TAS2R1: variants seen among roughly 807,000 people sequenced by gnomAD.
TAS2R1 encodes the protein taste 2 receptor member 1, also known as taste receptor type 2 member 1.
For synonymous variants in TAS2R1, 141 were observed against 134.2 expected (o/e 1.05, Z -0.35); for missense variants, 370 against 353.4 (o/e 1.05, Z -0.38).
chr5:9,721,363 G>C, the TAS2R1 span, among the ~76,000 whole-genome samples: 1 of 152,214 alleles, frequency 6.6e-6, no homozygotes, highest in Non-Finnish European at 1.5e-5. Flanking sequence ...GTGTTCCCCG[G>C]TGCTGCTAGC....
the TAS2R1 span, among the ~76,000 whole-genome samples, chr5:9,792,820 A>G: frequency 6.6e-6 from 1 of 152,182 alleles, no homozygotes; most frequent in African/African-American, 2.4e-5. Context: ...GAAGGCCTCT[A>G]TATGATCTTT....
chr5:9,861,558 T>C, the TAS2R1 span, among the ~76,000 whole-genome samples: 2 of 152,202 alleles, frequency 1.3e-5, no homozygotes, highest in African/African-American at 2.4e-5. Flanking sequence ...TTCAGAGTCT[T>C]GTCTATGGTT....
chr5:9,763,881 T>C, the TAS2R1 span, among the ~76,000 whole-genome samples: 41 of 152,348 alleles, frequency 2.7e-4, no homozygotes, highest in Middle Eastern at 3.4e-3. Flanking sequence ...CAACAGAGCA[T>C]CGTTTAGCTA....
chr5:9,684,560 C>T (rs194070), intron 1 of TAS2R1, among the ~76,000 whole-genome samples: 72,051 of 151,946 alleles, frequency 0.47, 19,318 homozygotes, highest in Non-Finnish European at 0.62. Context: ...TTGCTAAGGC[C>T]GAAGTGCAAC....
chr5:9,798,682 C>T, the TAS2R1 span, among the ~76,000 whole-genome samples: 101,859 of 151,948 alleles, frequency 0.67, 34,720 homozygotes, highest in East Asian at 0.81. Flanking sequence ...AGCAGATGGC[C>T]ACAACTTAAC....
At chr5:9,705,226 CCAA>C (rs1438954040) in intron 1 of TAS2R1, among the ~76,000 whole-genome samples, 2 of 152,100 alleles carry the variant, frequency 1.3e-5, no homozygotes, top group Non-Finnish European at 2.9e-5. Context: ...CATTAATAGA[CCAA>C]CACCAGAAAA....
chr5:9,633,319 T>TATATATATATATACAC (rs1475834697), upstream of TAS2R1, among the ~76,000 whole-genome samples: 3 of 137,528 alleles, frequency 2.2e-5, no homozygotes, highest in South Asian at 4.4e-4. Context: ...TATATATATA[T>TATATATATATATACAC]ACACAAATGT....
At chr5:9,646,227 A>G (rs1740185910) in intron 2 of TAS2R1, among the ~76,000 whole-genome samples, 3 of 152,110 alleles carry the variant, frequency 2.0e-5, no homozygotes, top group African/African-American at 7.2e-5. Flanking sequence ...TTCTTTCCCT[A>G]TACATTTAGT....
chr5:9,738,656 T>C, the TAS2R1 span, among the ~76,000 whole-genome samples: 2 of 152,204 alleles, frequency 1.3e-5, no homozygotes, highest in Non-Finnish European at 2.9e-5. Context: ...CAATTCATGC[T>C]ACGGTAGTGA....
chr5:9,811,521 G>A, the TAS2R1 span, among the ~76,000 whole-genome samples: 12 of 152,214 alleles, frequency 7.9e-5, no homozygotes, highest in African/African-American at 1.9e-4. Context: ...CCTGAGCCTC[G>A]TCTTACACTG....
At chr5:9,831,536 C>T in the TAS2R1 span, among the ~76,000 whole-genome samples, 1 of 151,518 alleles carries the variant, frequency 6.6e-6, no homozygotes, top group Admixed American at 6.6e-5. Context: ...AAAGATTAAA[C>T]GTGAGTATGG....
At chr5:9,754,290 C>G in the TAS2R1 span, among the ~76,000 whole-genome samples, 1 of 152,132 alleles carries the variant, frequency 6.6e-6, no homozygotes, top group Non-Finnish European at 1.5e-5. Flanking sequence ...GACAAACCCA[C>G]AGCCAATATC....
At chr5:9,653,484 A>G (rs1187964746) in intron 2 of TAS2R1, among the ~76,000 whole-genome samples, 1 of 122,438 alleles carries the variant, frequency 8.2e-6, no homozygotes, top group Non-Finnish European at 2.1e-5. Flanking sequence ...ATGGGTGTAC[A>G]AATAACTGTT....
chr5:9,818,078 G>A, the TAS2R1 span, among the ~76,000 whole-genome samples: 1 of 152,138 alleles, frequency 6.6e-6, no homozygotes, highest in Non-Finnish European at 1.5e-5. Flanking sequence ...CCATATCAGA[G>A]ACCATTCCGT....
the TAS2R1 span, among the ~76,000 whole-genome samples, chr5:9,893,816 G>T: frequency 6.6e-6 from 1 of 152,136 alleles, no homozygotes; most frequent in Non-Finnish European, 1.5e-5. Flanking sequence ...GGAAAAAGGA[G>T]GAAGGTCCCA....
At chr5:9,726,634 A>C in the TAS2R1 span, among the ~76,000 whole-genome samples, 1 of 152,200 alleles carries the variant, frequency 6.6e-6, no homozygotes, top group Non-Finnish European at 1.5e-5. Context: ...GAACACATCC[A>C]AACATCAGAA....
chr5:9,719,928 A>C, the TAS2R1 span, among the ~76,000 whole-genome samples: 2 of 139,418 alleles, frequency 1.4e-5, no homozygotes, highest in South Asian at 2.3e-4. Context: ...CAAAAAAAAA[A>C]AAAAAAAAAA....
chr5:9,742,177 G>T, the TAS2R1 span, among the ~76,000 whole-genome samples: 1 of 152,096 alleles, frequency 6.6e-6, no homozygotes. Flanking sequence ...GAGCCACCAC[G>T]TCTGGCCTGC....
the TAS2R1 span, among the ~76,000 whole-genome samples, chr5:9,791,672 C>G: frequency 6.6e-6 from 1 of 152,048 alleles, no homozygotes. Context: ...GCACTCCAGC[C>G]TGGGCAATGA....
Sources: gnomAD v4.1 joint callset for allele counts (sites outside exome capture counted in the v4.1 genomes callset) on GRCh38, gnomAD v4.1.1 for gene constraint, MANE v1.5 for transcripts, NCBI Gene and HGNC (gene_info 2026-07-23, HGNC 2026-07-21) for gene names.